The following TMEM132D variants were observed in gnomAD, a reference collection of about 807,000 sequenced individuals.
The protein encoded by TMEM132D is transmembrane protein 132D, also known as mature OL transmembrane protein.
A neutral mutation model predicts 62.3 loss-of-function variants in TMEM132D; 21 were observed. The observed-to-expected ratio is 0.34, with a 90% CI of 0.24 to 0.49. The LOEUF (loss-of-function observed/expected upper bound fraction) is 0.49, where lower values mean the gene tolerates loss of function less well. Ranked by LOEUF, TMEM132D falls within the 20% of genes least tolerant of loss-of-function variation. TMEM132D has a pLI of 0.99. For missense variants in TMEM132D, 1,346 were observed against 1,402.8 expected (o/e 0.96, Z 0.65); for synonymous variants, 621 against 575.6 (o/e 1.08, Z -1.13).
intron 8 of TMEM132D, among the ~76,000 whole-genome samples, chr12:129,077,157 C>T (rs1461455672): frequency 6.6e-6 from 1 of 152,192 alleles, no homozygotes; most frequent in African/African-American, 2.4e-5. Context: ...CTTTGTGCCC[C>T]TTAGCAAGTC....
intron 2 of TMEM132D, among the ~76,000 whole-genome samples, chr12:129,639,562 C>CG (rs1879588901): frequency 6.6e-6 from 1 of 151,972 alleles, no homozygotes; most frequent in African/African-American, 2.4e-5. Context: ...GCCCAGAACA[C>CG]GGGGAGAACC....
chr12:129,440,444 T>C (rs1872907291), intron 3 of TMEM132D, among the ~76,000 whole-genome samples: 1 of 152,048 alleles, frequency 6.6e-6, no homozygotes, highest in South Asian at 2.1e-4. Flanking sequence ...TACTTAGAAG[T>C]CAGAACTCAG....
At chr12:129,100,536 A>G (rs994991956) in intron 5 of TMEM132D, among the ~76,000 whole-genome samples, 19 of 152,232 alleles carry the variant, frequency 1.2e-4, no homozygotes, top group Non-Finnish European at 2.5e-4. Flanking sequence ...GTGAATGTGC[A>G]GAACTTATCT....
chr12:129,461,766 C>T lies in TMEM132D; in HGVS notation c.1115+69293G>A, dbSNP rs181337687. Among the ~76,000 whole-genome samples, 91 of 151,674 alleles carry T rather than the reference C, an allele frequency of 6.0e-4. 1 individual carries two copies. In the East Asian group the frequency reaches 0.015, roughly 25 times the overall value. Reference sequence around the variant, plus strand: ...GTGGATAGATGGATGGATGGACGGGCGGACTGATGGATGGATGGGATAGCT... The same window carrying T: ...GTGGATAGATGGATGGATGGACGGGTGGACTGATGGATGGATGGGATAGCT... On this transcript the variant is annotated intron_variant, in intron 3 of 8. Transcript: ENST00000422113.
chr12:129,148,450 G>A (rs1401780008), intron 5 of TMEM132D, among the ~76,000 whole-genome samples: 7 of 152,100 alleles, frequency 4.6e-5, no homozygotes, highest in African/African-American at 1.2e-4. Flanking sequence ...CAGAGAAAAC[G>A]GAGTAGGCTG....
chr12:129,490,453 CAG>C (rs1487949069), intron 3 of TMEM132D, among the ~76,000 whole-genome samples: 2 of 104,506 alleles, frequency 1.9e-5, no homozygotes, highest in African/African-American at 3.8e-5. Context: ...TTTTTTGAGA[CAG>C]AGTCTCGCTG....
intron 4 of TMEM132D, among the ~76,000 whole-genome samples, chr12:129,249,046 C>A (rs79037080): frequency 1.3e-5 from 2 of 152,152 alleles, no homozygotes; most frequent in East Asian, 3.9e-4. Context: ...ATAAAGAAAA[C>A]GTGGCACTTA....
intron 1 of TMEM132D, among the ~76,000 whole-genome samples, chr12:129,891,315 A>G (rs1353827053): frequency 6.6e-6 from 1 of 152,122 alleles, no homozygotes; most frequent in Non-Finnish European, 1.5e-5. Context: ...ACCCCTCAAG[A>G]GCCAACTCAT....
intron 2 of TMEM132D, among the ~76,000 whole-genome samples, chr12:129,655,816 G>C (rs1880057702): frequency 6.6e-6 from 1 of 152,098 alleles, no homozygotes; most frequent in African/African-American, 2.4e-5. Flanking sequence ...AGTCTTCTTT[G>C]GATAATGCTA....
Position 129,892,112 on chromosome 12 carries a change from C to G in TMEM132D, c.79+11149G>C, listed in dbSNP as rs141937171. Among the ~76,000 whole-genome samples the G allele has an allele frequency of 4.5e-4, 69 of 152,250 alleles. No homozygotes were observed. The East Asian group carries it at 0.012, about 27-fold the overall frequency. On this transcript the variant is annotated intron_variant, in intron 1 of 8. Coordinates refer to ENST00000422113, the MANE Select transcript of TMEM132D (RefSeq NM_133448.3). ...ATTCACAGGAGGCCTGTCTTAAATT[C>G]CCATCCTTACAAACAGCAAATTTAG...
intron 3 of TMEM132D, among the ~76,000 whole-genome samples, chr12:129,501,270 G>A (rs10847890): frequency 0.25 from 37,727 of 151,958 alleles, 4,681 homozygotes; most frequent in Middle Eastern, 0.3. Flanking sequence ...GAGAGAAATG[G>A]AAGTTTACTT....
intron 4 of TMEM132D, among the ~76,000 whole-genome samples, chr12:129,266,551 C>T (rs1208237286): frequency 6.8e-6 from 1 of 146,750 alleles, no homozygotes; most frequent in African/African-American, 2.5e-5. Context: ...CTATCCTTCC[C>T]TTCCTCTCCT....
At chr12:129,894,746 CTTTTT>C (rs62744062) in intron 1 of TMEM132D, among the ~76,000 whole-genome samples, 11 of 150,116 alleles carry the variant, frequency 7.3e-5, no homozygotes, top group Admixed American at 6.0e-4. Context: ...TGTAGTTTCT[CTTTTT>C]TTTTTCCTCT....
At position 129,699,823 on chromosome 12, in the gene TMEM132D, G is replaced by T; in HGVS notation, c.955C>A (p.Arg319Ser). Reference sequence around the variant, plus strand: ...GAAACGACTTACCTCAACGTGAAGCGATCTTCAGTGGAATTTCTGGAGATG... The same window carrying T: ...GAAACGACTTACCTCAACGTGAAGCTATCTTCAGTGGAATTTCTGGAGATG... ...VSISRNSTEDRFTLRAKVKKG... is the reference protein window; with the variant it reads ...VSISRNSTEDSFTLRAKVKKG... The change falls in exon 2 of 9, where the codon CGC (arginine) becomes AGC (serine). Residue 319 changes from arginine to serine, a missense_variant. By Grantham distance (110) the Arg-to-Ser change is moderately radical (BLOSUM62 -1). Transcript: ENST00000422113. 1 of 1,613,926 alleles carries T rather than the reference G, an allele frequency of 6.2e-7. No homozygotes were observed. The highest frequency in any genetic ancestry group is 8.5e-7 in the Non-Finnish European group (1 of 1,179,940).
intron 1 of TMEM132D, among the ~76,000 whole-genome samples, chr12:129,885,329 C>T (rs994378): frequency 0.99 from 150,461 of 152,368 alleles, 74,325 homozygotes; most frequent in East Asian, 1. Context: ...GTGAGTCTAA[C>T]GTGTAGCCAG....
At position 129,297,743 on chromosome 12, in the gene TMEM132D, C is replaced by G. The variant is rs569640299; in HGVS notation, c.1299+39891G>C. ...ATAAGCGAGGTTATCAGGTCGTTAT[C>G]AAACGACCTCATCGCCCTGGTGCTT... On this transcript the variant is annotated intron_variant, in intron 4 of 8. Transcript: ENST00000422113. Among the ~76,000 whole-genome samples, 61 of 152,284 alleles carry G rather than the reference C, an allele frequency of 4.0e-4. 4 individuals carry two copies. The highest frequency in any genetic ancestry group is 1.4e-3 in the African/African-American group (57 of 41,560).
chr12:129,251,561 G>A (rs77561884), intron 4 of TMEM132D, among the ~76,000 whole-genome samples: 1,526 of 152,126 alleles, frequency 0.01, 24 homozygotes, highest in African/African-American at 0.035. Flanking sequence ...TTTAAAGCTC[G>A]TTCAAATTTG....
intron 1 of TMEM132D, among the ~76,000 whole-genome samples, chr12:129,789,974 C>A (rs899925076): frequency 6.6e-6 from 1 of 152,202 alleles, no homozygotes; most frequent in Non-Finnish European, 1.5e-5. Context: ...GATCATGAAG[C>A]AGGAAACTTC....
rs147180687 is a variant in TMEM132D at position 129,885,696 on chromosome 12, C to T, written c.79+17565G>A. On this transcript the variant is annotated intron_variant, in intron 1 of 8. Coordinates refer to ENST00000422113, the MANE Select transcript of TMEM132D (RefSeq NM_133448.3). The stretch of plus-strand genomic sequence containing the variant: ...AAAAGTGGTATCTAATATTTTTCAT[C>T]CAGTTTCAATAGTTGCTAAGGATGA... 5.2e-3 allele frequency among the ~76,000 whole-genome samples: 796 copies of T among 152,314 alleles called. 3 individuals are homozygous for T. The highest frequency in any genetic ancestry group is 8.8e-3 in the Non-Finnish European group (600 of 68,030).
Sources: gnomAD v4.1 joint callset for allele counts (sites outside exome capture counted in the v4.1 genomes callset) on GRCh38, gnomAD v4.1.1 for gene constraint, MANE v1.5 for transcripts, NCBI Gene and HGNC (gene_info 2026-07-23, HGNC 2026-07-21) for gene names.